Variants in NTRK3 observed in about 807,000 individuals in gnomAD.
NTRK3 encodes the protein NT-3 growth factor receptor.
Under a neutral mutation model 91.7 loss-of-function variants are expected in NTRK3, and 24 were observed. The ratio of observed to expected loss-of-function variants is 0.26; its 90% CI spans 0.19 to 0.37. The LOEUF is 0.37. Among genes scored for constraint, NTRK3 ranks in the 10% least tolerant of loss-of-function variants. NTRK3 has a pLI of 1.00. For missense variants in NTRK3, 880 were observed against 1,068.9 expected (o/e 0.82, Z 2.46); for synonymous variants, 483 against 404.0 (o/e 1.20, Z -2.34).
chr15:87,900,611 G>A (rs936289142), intron 17 of NTRK3, among the ~76,000 whole-genome samples: 1 of 151,902 alleles, frequency 6.6e-6, no homozygotes, highest in African/African-American at 2.4e-5. Context: ...TCTGAATCAG[G>A]ACATCAAGAA....
chr15:88,099,973 C>T (rs1360287007), intron 13 of NTRK3, among the ~76,000 whole-genome samples: 3 of 152,086 alleles, frequency 2.0e-5, no homozygotes, highest in Admixed American at 6.6e-5. Flanking sequence ...GAGGACTCTA[C>T]GGTTAAAAGT....
chr15:88,245,153 T>C (rs936518262), intron 3 of NTRK3, among the ~76,000 whole-genome samples: 4 of 152,234 alleles, frequency 2.6e-5, no homozygotes, highest in African/African-American at 2.4e-5. Context: ...CCGTCAGCTT[T>C]GTCCACATGC....
intron 13 of NTRK3, among the ~76,000 whole-genome samples, chr15:88,057,771 T>C (rs1014654500): frequency 1.3e-5 from 2 of 152,234 alleles, no homozygotes; most frequent in African/African-American, 4.8e-5. Context: ...CCATAGCCTC[T>C]TGCAGAACAC....
In NTRK3 at chr15:88,248,996, T is replaced by C. The variant is rs117126605; in HGVS notation, c.248+6910A>G. ...TTGAGACCCAGAGGAGGAAAGGGAT[T>C]TGTTCAAAGCTAGGGAGAGGCCATG... On this transcript the variant is annotated intron_variant, in intron 3 of 18. Transcript: ENST00000394480. 8.4e-3 allele frequency among the ~76,000 whole-genome samples: 1,279 copies of C among 152,202 alleles called. 7 individuals carry two copies. Among genetic ancestry groups the C allele is most frequent in the Non-Finnish European group, 0.013 (914 of 68,002 alleles).
intron 17 of NTRK3, among the ~76,000 whole-genome samples, chr15:87,915,492 G>C (rs1034026638): frequency 1.3e-5 from 2 of 152,226 alleles, no homozygotes; most frequent in African/African-American, 2.4e-5. Flanking sequence ...AGCTCTTCCT[G>C]CAGATGCCTA....
chr15:88,060,401 A>T (rs1304076269), intron 13 of NTRK3, among the ~76,000 whole-genome samples: 1 of 151,406 alleles, frequency 6.6e-6, no homozygotes. Flanking sequence ...AAAAAAAAAA[A>T]AAGTAGGGGG....
intron 14 of NTRK3, among the ~76,000 whole-genome samples, chr15:88,026,729 G>C (rs908582302): frequency 6.6e-6 from 1 of 152,220 alleles, no homozygotes; most frequent in African/African-American, 2.4e-5. Flanking sequence ...TGTAGTGACA[G>C]GTGGGGACTT....
chr15:88,036,908 T>C (rs1363603418), intron 13 of NTRK3, among the ~76,000 whole-genome samples: 1 of 152,196 alleles, frequency 6.6e-6, no homozygotes, highest in Non-Finnish European at 1.5e-5. Context: ...ACATCGAGAC[T>C]TAAACCTTTT....
intron 17 of NTRK3, among the ~76,000 whole-genome samples, chr15:87,897,080 G>A (rs2066170725): frequency 3.9e-5 from 6 of 152,140 alleles, no homozygotes; most frequent in Admixed American, 3.9e-4. Context: ...GTCTCAGTCT[G>A]AGCCTCTAGC....
At position 87,967,399 on chromosome 15, in the gene NTRK3, T is replaced by C. The variant is rs150147942; in HGVS notation, c.1586-26646A>G. Among the ~76,000 whole-genome samples the C allele has an allele frequency of 9.9e-3, 1,510 of 152,252 alleles. 22 individuals carry two copies. Among genetic ancestry groups the C allele is most frequent in the South Asian group, 0.032 (154 of 4,824 alleles). The stretch of plus-strand genomic sequence containing the variant: ...AGCATTTCATAGTCCAATCTTCCTA[T>C]ACCGAAGCTGCCCAGCTTAGGAGAA... On this transcript the variant is annotated intron_variant, in intron 14 of 18. Transcript: ENST00000394480.
At chr15:88,231,148 C>T (rs1567687080) in intron 3 of NTRK3, among the ~76,000 whole-genome samples, 1 of 152,228 alleles carries the variant, frequency 6.6e-6, no homozygotes. Context: ...TCACAGACCT[C>T]TCCCCCTAAC....
intron 13 of NTRK3, among the ~76,000 whole-genome samples, chr15:88,036,566 A>C (rs2079089155): frequency 6.6e-6 from 1 of 152,212 alleles, no homozygotes. Flanking sequence ...GAAAAGAGGA[A>C]GCTGGGGATT....
At chr15:87,930,563 G>T (rs78491708) in intron 16 of NTRK3, among the ~76,000 whole-genome samples, 2,713 of 152,268 alleles carry the variant, frequency 0.018, 39 homozygotes, top group Middle Eastern at 0.031. Flanking sequence ...CCTTCTGTCT[G>T]CCTGGAGAGT....
chr15:88,096,654 C>A (rs1427562419), intron 13 of NTRK3, among the ~76,000 whole-genome samples: 1 of 152,170 alleles, frequency 6.6e-6, no homozygotes, highest in Non-Finnish European at 1.5e-5. Flanking sequence ...ACCACTGGAA[C>A]AACCCATAAC....
intron 17 of NTRK3, 25 bp downstream of exon 18, chr15:87,885,668 TA>T (rs200300586): frequency 3.8e-4 from 480 of 1,273,432 alleles, no homozygotes; most frequent in South Asian, 6.5e-4. Flanking sequence ...AACTATTCAT[TA>T]AAAAAAATAC....
chr15:88,032,939 C>T lies in NTRK3; in HGVS notation c.1503G>A (p.Val501=), dbSNP rs201918746. The stretch of plus-strand genomic sequence containing the variant: ...CAGGGATGCGAGTCATGCCAATGAC[C>T]ACAGTGTCGGGCCCGGCATCCAGTG... The change falls in exon 14 of 19, where the codon GTG becomes GTA. Residue 501 remains valine, a synonymous_variant. Coordinates refer to ENST00000394480, the Ensembl canonical transcript of NTRK3. 2.8e-4 allele frequency: 456 copies of T among 1,613,534 alleles called. 4 individuals are homozygous for T. The Admixed American group carries it at 7.5e-3, about 27-fold the overall frequency.
intron 13 of NTRK3, among the ~76,000 whole-genome samples, chr15:88,034,059 C>T (rs1443278757): frequency 2.0e-5 from 3 of 152,118 alleles, no homozygotes; most frequent in Non-Finnish European, 4.4e-5. Context: ...GGCTCAAAGA[C>T]CTAGAGCCTC....
At chr15:88,198,646 T>C (rs1447147836) in intron 3 of NTRK3, among the ~76,000 whole-genome samples, 1 of 152,244 alleles carries the variant, frequency 6.6e-6, no homozygotes, top group Admixed American at 6.5e-5. Flanking sequence ...CAAAGTCTGC[T>C]GCATTCTATT....
intron 13 of NTRK3, among the ~76,000 whole-genome samples, chr15:88,102,894 G>C (rs1344958890): frequency 6.6e-6 from 1 of 152,168 alleles, no homozygotes; most frequent in Non-Finnish European, 1.5e-5. Flanking sequence ...CCACCCTCCA[G>C]TCAGAGTTGA....
Sources: gnomAD v4.1 joint callset for allele counts (sites outside exome capture counted in the v4.1 genomes callset) on GRCh38, gnomAD v4.1.1 for gene constraint, MANE v1.5 for transcripts, NCBI Gene and HGNC (gene_info 2026-07-23, HGNC 2026-07-21) for gene names.